Variants in SYNPR observed in about 807,000 individuals in gnomAD.
SYNPR encodes synaptoporin.
SYNPR carries 23 observed loss-of-function variants against 32.9 expected under a neutral mutation model. The observed-to-expected ratio is 0.70, with a 90% CI of 0.50 to 0.99. The LOEUF is 0.99. SYNPR is among the 50% of genes least tolerant of loss of function. SYNPR has a pLI of 0.00. For synonymous variants in SYNPR, 146 were observed against 135.9 expected (o/e 1.07, Z -0.52); for missense variants, 318 against 349.3 (o/e 0.91, Z 0.71).
intron 2 of SYNPR, among the ~76,000 whole-genome samples, chr3:63,382,269 G>A (rs1476874192): frequency 6.6e-6 from 1 of 152,148 alleles, no homozygotes; most frequent in Non-Finnish European, 1.5e-5. Context: ...CATTGTTACT[G>A]CCCAAAGGCA....
intron 2 of SYNPR, among the ~76,000 whole-genome samples, chr3:63,452,889 G>A (rs147450764): frequency 6.6e-6 from 1 of 152,230 alleles, no homozygotes; most frequent in African/African-American, 2.4e-5. Context: ...ATCTTTTTAT[G>A]TGTATCTCAA....
chr3:63,232,192 C>CTTTT (rs57078088), intron 1 of SYNPR, among the ~76,000 whole-genome samples: 3,958 of 59,550 alleles, frequency 0.066, 679 homozygotes, highest in East Asian at 0.15. Context: ...CAGATTCTGA[C>CTTTT]TTTTTTTTTT....
chr3:63,581,362 AC>A (rs1425811306), intron 4 of SYNPR, among the ~76,000 whole-genome samples: 1 of 152,166 alleles, frequency 6.6e-6, no homozygotes, highest in Non-Finnish European at 1.5e-5. Flanking sequence ...GCAACACCAA[AC>A]AAAAGAAAGT....
chr3:63,240,838 T>C (rs2086236030), intron 1 of SYNPR, among the ~76,000 whole-genome samples: 1 of 152,070 alleles, frequency 6.6e-6, no homozygotes, highest in Admixed American at 6.6e-5. Flanking sequence ...GAGGAAACTC[T>C]GCTCCATTCA....
chr3:63,463,896 AT>A lies in SYNPR; in HGVS notation c.85-16929del, dbSNP rs913628510. ...CAATTTTTGTAAATTTTATTTATCT[AT>A]TTTTTTGTAATGTTGATTCTGCTTC... On this transcript the variant is annotated intron_variant, in intron 2 of 5. Transcript: ENST00000478300. Among the ~76,000 whole-genome samples the A allele has an allele frequency of 5.3e-5, 8 of 152,112 alleles. No homozygotes were observed. In the South Asian group the frequency reaches 1.0e-3, roughly 20 times the overall value.
rs373514317 is a variant in SYNPR at position 63,609,210 on chromosome 3, C to T, written c.494C>T (p.Ala165Val). ...AAAGGACTGTCTGACGTCAAAGTTGCAACGGATCCCAAGGAAGTATTGCTA... is the reference window on the plus strand; with the variant it reads ...AAAGGACTGTCTGACGTCAAAGTTGTAACGGATCCCAAGGAAGTATTGCTA... The part of the protein sequence containing the change: ...WAKGLSDVKV[A>V]TDPKEVLLLM... The change falls in exon 5 of 6, where the codon GCA (alanine) becomes GTA (valine). Residue 165 changes from alanine (A) to valine (V), a missense_variant. Coordinates refer to ENST00000478300, the MANE Select transcript of SYNPR (RefSeq NM_001130003.2). 6.2e-7 allele frequency: 1 copy of T among 1,609,766 alleles called. No homozygotes were observed. The highest frequency in any genetic ancestry group is 8.5e-7 in the Non-Finnish European group (1 of 1,178,028).
intron 2 of SYNPR, among the ~76,000 whole-genome samples, chr3:63,291,255 T>G (rs1204997084): frequency 5.9e-5 from 9 of 152,152 alleles, no homozygotes; most frequent in African/African-American, 2.2e-4. Context: ...GATTAATGGC[T>G]GAGAAACCTT....
At chr3:63,379,051 G>A (rs1436997519) in intron 2 of SYNPR, among the ~76,000 whole-genome samples, 2 of 152,070 alleles carry the variant, frequency 1.3e-5, no homozygotes, top group Admixed American at 1.3e-4. Context: ...GAGACTTTTT[G>A]AAAATCATAA....
At chr3:63,431,694 G>C (rs754041063) in intron 2 of SYNPR, among the ~76,000 whole-genome samples, 36 of 150,486 alleles carry the variant, frequency 2.4e-4, no homozygotes, top group Non-Finnish European at 7.4e-5. Flanking sequence ...AAGAAAGTGT[G>C]AACTGTTACA....
chr3:63,437,961 GACAA>G (rs1237022143), intron 2 of SYNPR, among the ~76,000 whole-genome samples: 1 of 152,148 alleles, frequency 6.6e-6, no homozygotes, highest in Non-Finnish European at 1.5e-5. Flanking sequence ...ACTCTAGAGG[GACAA>G]ACAAAAGCTC....
chr3:63,343,822 G>A (rs1368150079), intron 2 of SYNPR, among the ~76,000 whole-genome samples: 1 of 152,244 alleles, frequency 6.6e-6, no homozygotes, highest in Non-Finnish European at 1.5e-5. Flanking sequence ...CAAGGGTACA[G>A]TTTAATGTGC....
At chr3:63,240,456 T>C (rs918182451) in intron 1 of SYNPR, among the ~76,000 whole-genome samples, 6 of 152,054 alleles carry the variant, frequency 3.9e-5, no homozygotes, top group Non-Finnish European at 8.8e-5. Flanking sequence ...TGGCTAATGA[T>C]CTGTGCTCTT....
At chr3:63,496,461 C>A (rs1006484379) in intron 3 of SYNPR, among the ~76,000 whole-genome samples, 2 of 151,976 alleles carry the variant, frequency 1.3e-5, no homozygotes, top group South Asian at 4.2e-4. Context: ...TTTGGTTTTT[C>A]ACTATCACAA....
intron 3 of SYNPR, among the ~76,000 whole-genome samples, chr3:63,555,970 A>G (rs1157173284): frequency 6.6e-6 from 1 of 152,210 alleles, no homozygotes; most frequent in Non-Finnish European, 1.5e-5. Context: ...AAAGGCTCTC[A>G]TCTCTCAGGA....
At chr3:63,446,339 T>C (rs137933903) in intron 2 of SYNPR, among the ~76,000 whole-genome samples, 1 of 151,918 alleles carries the variant, frequency 6.6e-6, no homozygotes, top group African/African-American at 2.4e-5. Context: ...GAGGTAGCAC[T>C]TCAGGTTGAA....
intron 3 of SYNPR, among the ~76,000 whole-genome samples, chr3:63,498,948 TA>T (rs11328669): frequency 0.36 from 39,635 of 109,352 alleles, 6,684 homozygotes; most frequent in African/African-American, 0.57. Context: ...ACCTCACCTC[TA>T]AAAAAAAAAA....
chr3:63,429,518 C>T (rs556519922), intron 2 of SYNPR, among the ~76,000 whole-genome samples: 2 of 152,202 alleles, frequency 1.3e-5, no homozygotes, highest in South Asian at 2.1e-4. Context: ...CCTTAATAGA[C>T]ATGATTTCTG....
rs538696467 is a variant in SYNPR, at chr3:63,510,932, T to TGC, written c.209+29977_209+29978insCG. 1.6e-3 allele frequency among the ~76,000 whole-genome samples: 212 copies of TGC among 132,364 alleles called. 1 individual carries two copies. Among genetic ancestry groups the TGC allele is most frequent in the African/African-American group, 5.5e-3 (208 of 37,588 alleles). The allele number at this position is 132,364 out of a possible 152,430, so 86.8% of individuals were successfully genotyped here. On this transcript the variant is annotated intron_variant, in intron 3 of 5. Transcript: ENST00000478300. ...AGGTACAACTGTGTGTGTGTGTGTG[T>TGC]GTGCGCGCACGTTGTGTGTGTGTGT...
intron 2 of SYNPR, among the ~76,000 whole-genome samples, chr3:63,256,165 G>A (rs1575577546): frequency 6.6e-6 from 1 of 152,354 alleles, no homozygotes; most frequent in East Asian, 1.9e-4. Flanking sequence ...GAAACAAAAG[G>A]CAGCAGAAAC....
Sources: gnomAD v4.1 joint callset for allele counts (sites outside exome capture counted in the v4.1 genomes callset) on GRCh38, gnomAD v4.1.1 for gene constraint, MANE v1.5 for transcripts, NCBI Gene and HGNC (gene_info 2026-07-23, HGNC 2026-07-21) for gene names.